Variants in GPR137C observed in about 807,000 individuals in gnomAD.
GPR137C encodes the protein integral membrane protein GPR137C.
GPR137C carries 27 observed loss-of-function variants against 43.4 expected under a neutral mutation model. The ratio of observed to expected loss-of-function variants is 0.62; its 90% CI spans 0.46 to 0.86. The LOEUF (loss-of-function observed/expected upper bound fraction) is 0.86. Ranked by LOEUF, GPR137C falls within the 40% of genes least tolerant of loss-of-function variation. The pLI, the probability that GPR137C is intolerant of heterozygous loss-of-function variation, is 0.00. For missense variants in GPR137C, 522 were observed against 534.6 expected (o/e 0.98, Z 0.23); for synonymous variants, 285 against 226.9 (o/e 1.26, Z -2.30).
At chr14:52,633,718 T>A in intron 5 of GPR137C, 63 bp downstream of exon 5, 1 of 1,574,620 alleles carries the variant, frequency 6.4e-7, no homozygotes, top group Non-Finnish European at 8.7e-7. Context: ...ACATTTATAT[T>A]GATTTTCTAT....
intron 1 of GPR137C, among the ~76,000 whole-genome samples, chr14:52,568,246 T>C (rs1230174449): frequency 3.3e-5 from 5 of 152,166 alleles, no homozygotes; most frequent in African/African-American, 1.2e-4. Flanking sequence ...TGAGGGACTC[T>C]GCCTTGAAAA....
chr14:52,601,885 A>G (rs2038930442), intron 3 of GPR137C, among the ~76,000 whole-genome samples: 1 of 151,912 alleles, frequency 6.6e-6, no homozygotes. Context: ...AAAGTCACCA[A>G]TCTGAGAAGA....
At chr14:52,613,551 C>T (rs2039062965) in intron 3 of GPR137C, 1 of 164,822 alleles carries the variant, frequency 6.1e-6, no homozygotes, top group African/African-American at 2.4e-5. Flanking sequence ...TCTCTATCTC[C>T]ATGAGTTCAA....
rs1302695626 is a variant in GPR137C, at chr14:52,553,315, C to G, written c.168C>G (p.Leu56=). Residue 56 remains leucine (L), a synonymous_variant, in exon 1 of 7, where the codon CTC becomes CTG. Transcript: ENST00000321662. ...QLALSVLHAL[L]YAALFAFAYL... ...CGCTGAGCGTCCTGCACGCCCTGCT[C>G]TACGCCGCGCTGTTCGCCTTTGCCT... 1 of 1,581,502 alleles carries G rather than the reference C, an allele frequency of 6.3e-7. No homozygotes were observed. Among genetic ancestry groups the G allele is most frequent in the Admixed American group, 1.8e-5 (1 of 56,344 alleles).
At chr14:52,554,577 A>G (rs1010472365) in intron 1 of GPR137C, among the ~76,000 whole-genome samples, 11 of 152,130 alleles carry the variant, frequency 7.2e-5, no homozygotes, top group African/African-American at 2.7e-4. Context: ...ACCAAAAGAA[A>G]AGCTTGAGGA....
chr14:52,620,821 T>A (rs1011748892), intron 3 of GPR137C, among the ~76,000 whole-genome samples: 1 of 151,864 alleles, frequency 6.6e-6, no homozygotes, highest in African/African-American at 2.4e-5. Context: ...ATATTGGAGA[T>A]GAAGGAAGAG....
chr14:52,632,324 C>G lies in GPR137C; in HGVS notation c.867+15C>G, dbSNP rs138532139. 18 of 1,579,602 alleles carry G rather than the reference C, an allele frequency of 1.1e-5. No individual in the cohort carries two copies. In the African/African-American group the frequency reaches 2.3e-4, roughly 20 times the overall value. ...TTTCAGATAAGGTAAATACCTACCA[C>G]GTATTGCCAGTCTAACAATGTGATA... On this transcript the variant is annotated intron_variant, in intron 4 of 6. Coordinates refer to ENST00000321662, the MANE Select transcript of GPR137C (RefSeq NM_001099652.2).
rs2039347728 is a variant in GPR137C, at chr14:52,635,890, T to C, written c.*775T>C. The C allele has an allele frequency of 6.6e-6, 1 of 152,148 alleles. No homozygotes were observed. 9.4% of individuals were successfully genotyped at this position (152,148 alleles called of 1,614,324 possible). A position where few individuals can be genotyped will look rare whatever the true frequency, so the allele number is the denominator to read the frequency against. On this transcript the variant is annotated 3_prime_UTR_variant, in exon 7 of 7. Coordinates refer to ENST00000321662, the MANE Select transcript of GPR137C (RefSeq NM_001099652.2). ...GAAGAAAGCAATAGTGACTTTTGCA[T>C]AGGGAGATTTTGGTAGAAACTTCTT...
At chr14:52,597,867 A>C (rs555906619) in intron 1 of GPR137C, among the ~76,000 whole-genome samples, 2 of 152,194 alleles carry the variant, frequency 1.3e-5, no homozygotes, top group Non-Finnish European at 2.9e-5. Context: ...TTACTGAAGA[A>C]AATAGTCTTT....
At chr14:52,576,936 T>G (rs1263876262) in intron 1 of GPR137C, among the ~76,000 whole-genome samples, 1 of 152,070 alleles carries the variant, frequency 6.6e-6, no homozygotes, top group Non-Finnish European at 1.5e-5. Context: ...ACACCTGTAA[T>G]CCCAGCACTT....
intron 1 of GPR137C, 22 bp downstream of exon 1, chr14:52,553,613 G>T (rs1460089571): frequency 1.3e-6 from 2 of 1,535,330 alleles, no homozygotes; most frequent in African/African-American, 1.4e-5. Context: ...GGGCCGGCAT[G>T]CGGGGCCCGG....
chr14:52,607,567 A>G (rs190300144), intron 3 of GPR137C, among the ~76,000 whole-genome samples: 23 of 152,258 alleles, frequency 1.5e-4, no homozygotes, highest in Non-Finnish European at 2.2e-4. Context: ...TCTTTTTACA[A>G]TTTTTGACTT....
rs1040128338 is a variant in GPR137C at position 52,626,270 on chromosome 14, A to C, written c.718-5890A>C. ...TTAACACTTACAGACTAGTGTCCCTAATACTTAGAGATAAAATCTAATCAA... is the reference window on the plus strand; with the variant it reads ...TTAACACTTACAGACTAGTGTCCCTCATACTTAGAGATAAAATCTAATCAA... On this transcript the variant is annotated intron_variant, in intron 3 of 6. Transcript: ENST00000321662. 2.6e-5 allele frequency among the ~76,000 whole-genome samples: 4 copies of C among 152,200 alleles called. No homozygotes were observed. The East Asian group carries it at 7.7e-4, about 29-fold the overall frequency.
chr14:52,618,690 A>G (rs2139564123), intron 3 of GPR137C, among the ~76,000 whole-genome samples: 1 of 152,306 alleles, frequency 6.6e-6, no homozygotes, highest in African/African-American at 2.4e-5. Flanking sequence ...ACGCATGCTA[A>G]TAGAATTATT....
At chr14:52,607,469 G>T (rs1175623387) in intron 3 of GPR137C, among the ~76,000 whole-genome samples, 1 of 152,022 alleles carries the variant, frequency 6.6e-6, no homozygotes, top group Non-Finnish European at 1.5e-5. Flanking sequence ...CATATATTTG[G>T]GTGTTCTTGG....
At chr14:52,620,542 A>G (rs1024755130) in intron 3 of GPR137C, among the ~76,000 whole-genome samples, 6 of 152,008 alleles carry the variant, frequency 3.9e-5, no homozygotes, top group Non-Finnish European at 7.4e-5. Context: ...TTACAAATAT[A>G]TGAAGAAACA....
At position 52,629,703 on chromosome 14, in the gene GPR137C, T is replaced by C. The variant is rs1363820050; in HGVS notation, c.718-2457T>C. On this transcript the variant is annotated intron_variant, in intron 3 of 6. Coordinates refer to ENST00000321662, the MANE Select transcript of GPR137C (RefSeq NM_001099652.2). ...TTGGGTTTGGTTGATGGAAGGGGTG[T>C]GAGGGAACTTTCTGGAATGATGATG... Among the ~76,000 whole-genome samples the C allele has an allele frequency of 2.0e-5, 3 of 152,276 alleles. No homozygotes were observed. The East Asian group carries it at 5.8e-4, about 29-fold the overall frequency.
At chr14:52,589,124 C>T (rs1277191561) in intron 1 of GPR137C, among the ~76,000 whole-genome samples, 2 of 152,080 alleles carry the variant, frequency 1.3e-5, no homozygotes, top group Admixed American at 6.6e-5. Context: ...AAATGAAAGT[C>T]ACAAAAGGAC....
In GPR137C at chr14:52,636,755, T is replaced by C. The variant is rs1372648254; in HGVS notation, c.*1640T>C. 4 of 152,286 alleles carry C rather than the reference T, an allele frequency of 2.6e-5. No individual in the cohort carries two copies. Among genetic ancestry groups the C allele is most frequent in the Admixed American group, 2.0e-4 (3 of 15,276 alleles). 9.4% of individuals were successfully genotyped at this position (152,286 alleles called of 1,614,324 possible). A position where few individuals can be genotyped will look rare whatever the true frequency, so the allele number is the denominator to read the frequency against. ...ATGACTTTGTATTCAATCAGAAGCA[T>C]ATACTTATGTTATTTTGGGTTTGTT... On this transcript the variant is annotated 3_prime_UTR_variant, in exon 7 of 7. Transcript: ENST00000321662.
Sources: allele counts gnomAD v4.1 joint callset (sites outside exome capture counted in the v4.1 genomes callset), GRCh38; gene constraint gnomAD v4.1.1; transcripts MANE v1.5; gene names NCBI Gene and HGNC (gene_info 2026-07-23, HGNC 2026-07-21).